The following CCDC138 variants were observed in gnomAD, a reference collection of about 807,000 sequenced individuals.
The protein encoded by CCDC138 is coiled-coil domain-containing protein 138.
Under a neutral mutation model 82.3 loss-of-function variants are expected in CCDC138, and 66 were observed. The ratio of observed to expected loss-of-function variants is 0.80; its 90% CI spans 0.66 to 0.98. The LOEUF (loss-of-function observed/expected upper bound fraction) is 0.98, where lower values mean the gene tolerates loss of function less well. Among genes scored for constraint, CCDC138 ranks in the 50% least tolerant of loss-of-function variants. The probability of loss-of-function intolerance (pLI) is 0.00; values close to 1 mark genes in which losing one functional copy is unlikely to be tolerated. For missense variants in CCDC138, 816 were observed against 758.9 expected (o/e 1.08, Z -0.88); for synonymous variants, 297 against 265.4 (o/e 1.12, Z -1.16).
rs1368635702 is a variant in CCDC138 at position 108,788,911 on chromosome 2, A to G, written c.211A>G (p.Ser71Gly). ...TTCATCGTTAAAATATTCTGATGAA[A>G]GCAAGCATTGTAGAACACCATTGGG... ...VGSSLKYSDE[S>G]KHCRTPLGSL... The change falls in exon 3 of 15, where the codon AGC becomes GGC. Residue 71 changes from serine (S) to glycine (G), a missense_variant. By Grantham distance (56) the Ser-to-Gly change is moderately conservative (BLOSUM62 0). Coordinates refer to ENST00000295124, the MANE Select transcript of CCDC138 (RefSeq NM_144978.3). 7 of 1,614,042 alleles carry G rather than the reference A, an allele frequency of 4.3e-6. No homozygotes were observed. The highest frequency in any genetic ancestry group is 1.1e-5 in the South Asian group (1 of 91,086).
intron 12 of CCDC138, among the ~76,000 whole-genome samples, chr2:108,849,079 C>G (rs1167668304): frequency 6.6e-6 from 1 of 151,976 alleles, no homozygotes; most frequent in African/African-American, 2.4e-5. Context: ...AAACCCAGTG[C>G]CTGAAATTTA....
chr2:108,819,336 T>G (rs145076392), intron 10 of CCDC138, among the ~76,000 whole-genome samples: 31 of 152,290 alleles, frequency 2.0e-4, no homozygotes, highest in African/African-American at 7.2e-4. Flanking sequence ...ACCGTCTCCC[T>G]TGGGACAGAA....
chr2:108,884,495 A>T (rs1305955076), intron 2 of CCDC138: 1 of 152,236 alleles, frequency 6.6e-6, no homozygotes, highest in East Asian at 1.9e-4. Flanking sequence ...ATGCAATCAA[A>T]ATAGAAGAAA....
At chr2:108,870,062 A>G (rs753502562) in intron 13 of CCDC138, among the ~76,000 whole-genome samples, 2 of 152,244 alleles carry the variant, frequency 1.3e-5, no homozygotes, top group African/African-American at 2.4e-5. Context: ...GAAGTGATAC[A>G]TGAGCAAAAT....
At chr2:108,797,220 T>C (rs1474476946) in intron 5 of CCDC138, among the ~76,000 whole-genome samples, 1 of 152,026 alleles carries the variant, frequency 6.6e-6, no homozygotes, top group Non-Finnish European at 1.5e-5. Flanking sequence ...ATATTAGTAA[T>C]TAAGTGACAG....
In CCDC138 at chr2:108,812,865, C is replaced by G. The variant is rs1684113731; in HGVS notation, c.979C>G (p.His327Asp). The G allele has an allele frequency of 1.2e-6, 2 of 1,613,338 alleles. No homozygotes were observed. The highest frequency in any genetic ancestry group is 2.7e-5 in the African/African-American group (2 of 74,854). The change falls in exon 9 of 15, where the codon CAT becomes GAT. Residue 327 changes from histidine (H) to aspartate (D), a missense_variant. Coordinates refer to ENST00000295124, the MANE Select transcript of CCDC138 (RefSeq NM_144978.3). Reference protein sequence around the residue: ...MTIQRLKGSSHAVHEMKSLKQ... With the variant: ...MTIQRLKGSSDAVHEMKSLKQ... The stretch of plus-strand genomic sequence containing the variant: ...AATACAGAGATTGAAAGGAAGTTCC[C>G]ATGCTGTTCATGAAATGAAAAGTTT...
chr2:108,844,028 A>AT (rs1023574659), intron 11 of CCDC138, among the ~76,000 whole-genome samples: 18 of 147,802 alleles, frequency 1.2e-4, no homozygotes, highest in South Asian at 4.3e-4. Context: ...TACCTGGTTA[A>AT]TTTTTTTTTG....
intron 12 of CCDC138, among the ~76,000 whole-genome samples, chr2:108,847,457 G>A (rs1293225102): frequency 1.3e-5 from 2 of 152,144 alleles, no homozygotes; most frequent in Non-Finnish European, 2.9e-5. Context: ...TTCAGTGCTT[G>A]CACTAGCTTG....
chr2:108,838,255 G>C (rs1472210211), intron 10 of CCDC138, among the ~76,000 whole-genome samples: 1 of 152,172 alleles, frequency 6.6e-6, no homozygotes, highest in Non-Finnish European at 1.5e-5. Context: ...GGCTGGTCCA[G>C]GGAGGGGCAA....
rs112663879 is a variant in CCDC138, at chr2:108,854,214, T to C, written c.1517-2580T>C. ...AAAGCAGATTTATGTATTTTTAAATTGTGAGCTTATACTTTAGGTCTAGAG... is the reference window on the plus strand; with the variant it reads ...AAAGCAGATTTATGTATTTTTAAATCGTGAGCTTATACTTTAGGTCTAGAG... On this transcript the variant is annotated intron_variant, in intron 12 of 14. Transcript: ENST00000295124. 3.0e-3 allele frequency among the ~76,000 whole-genome samples: 456 copies of C among 149,748 alleles called. 4 individuals carry two copies. The highest frequency in any genetic ancestry group is 0.011 in the African/African-American group (437 of 40,722).
At chr2:108,863,463 C>G (rs1304807009) in intron 13 of CCDC138, among the ~76,000 whole-genome samples, 2 of 152,148 alleles carry the variant, frequency 1.3e-5, no homozygotes, top group Non-Finnish European at 2.9e-5. Flanking sequence ...GTAGCTGAAG[C>G]AGAGTTAGTG....
intron 11 of CCDC138, among the ~76,000 whole-genome samples, chr2:108,841,693 A>G (rs1005281105): frequency 1.3e-5 from 2 of 152,068 alleles, no homozygotes; most frequent in African/African-American, 4.8e-5. Context: ...AACTTTGTCA[A>G]GCTCTGTTTT....
chr2:108,855,196 T>TA (rs1191465359), intron 12 of CCDC138, among the ~76,000 whole-genome samples: 1 of 152,174 alleles, frequency 6.6e-6, no homozygotes, highest in Non-Finnish European at 1.5e-5. Context: ...AATGAGGACA[T>TA]AATTTTGATT....
chr2:108,876,884 G>C (rs568526168), downstream of CCDC138, among the ~76,000 whole-genome samples: 1 of 152,280 alleles, frequency 6.6e-6, no homozygotes, highest in South Asian at 2.1e-4. Flanking sequence ...CCTGTTACCA[G>C]AGATATCTCT....
rs775600984 is a variant in CCDC138 at position 108,788,050 on chromosome 2, T to C, written c.112T>C (p.Tyr38His). ...TTTTTAGTATGATTTTTCAAATTTT[T>C]ATCAGTCTAAGTATAAGAGAAGAAC... is the stretch of plus-strand genomic sequence containing the variant. ...CPDEYDFSNF[Y>H]QSKYKRRTLT... Residue 38 changes from tyrosine (Y) to histidine (H), a missense_variant, in exon 2 of 15, where the codon TAT becomes CAT. By Grantham distance (83) the Tyr-to-His change is moderately conservative. Coordinates refer to ENST00000295124, the MANE Select transcript of CCDC138 (RefSeq NM_144978.3). The C allele has an allele frequency of 3.2e-6, 5 of 1,581,404 alleles. No individual in the cohort carries two copies. The highest frequency in any genetic ancestry group is 1.4e-5 in the African/African-American group (1 of 72,648).
chr2:108,825,577 G>T (rs981697966), intron 10 of CCDC138, among the ~76,000 whole-genome samples: 29 of 152,210 alleles, frequency 1.9e-4, no homozygotes, highest in African/African-American at 6.7e-4. Flanking sequence ...GTAGTGTTCC[G>T]TGGCTGACTC....
At chr2:108,817,058 T>C (rs1235133408) in intron 10 of CCDC138, among the ~76,000 whole-genome samples, 1 of 152,152 alleles carries the variant, frequency 6.6e-6, no homozygotes, top group Non-Finnish European at 1.5e-5. Flanking sequence ...AGTTTCAACA[T>C]GACTTTTGGA....
intron 13 of CCDC138, among the ~76,000 whole-genome samples, chr2:108,861,169 G>C (rs926178243): frequency 6.6e-6 from 1 of 151,284 alleles, no homozygotes; most frequent in African/African-American, 2.4e-5. Context: ...GGGATTAGCT[G>C]TAATGTCACC....
chr2:108,870,726 C>T (rs1409336648), intron 13 of CCDC138, among the ~76,000 whole-genome samples: 9 of 152,142 alleles, frequency 5.9e-5, no homozygotes, highest in Non-Finnish European at 1.2e-4. Context: ...AAGCCAGGCA[C>T]AAAAGGATAT....
Sources: gnomAD v4.1 joint callset for allele counts (sites outside exome capture counted in the v4.1 genomes callset) on GRCh38, gnomAD v4.1.1 for gene constraint, MANE v1.5 for transcripts, NCBI Gene and HGNC (gene_info 2026-07-23, HGNC 2026-07-21) for gene names.